The following COL20A1 variants were observed in gnomAD, a reference collection of about 807,000 sequenced individuals.
COL20A1 encodes the protein collagen type XX alpha 1 chain, also known as collagen alpha-1(XX) chain.
In COL20A1, 164 loss-of-function variants were observed where a neutral mutation model predicts 152.9. That is an observed-to-expected ratio of 1.07 (90% CI 0.94 to 1.22). The LOEUF is 1.22. COL20A1 is among the 50% of genes most tolerant of loss of function. COL20A1 has a pLI of 0.00. For synonymous variants in COL20A1, 864 were observed against 756.0 expected (o/e 1.14, Z -2.34); for missense variants, 1,873 against 1,744.8 (o/e 1.07, Z -1.31).
At chr20:63,327,821 TG>T in intron 31 of COL20A1, 130 bp from the exon 32 acceptor site, 1 of 907,176 alleles carries the variant, frequency 1.1e-6, no homozygotes. Flanking sequence ...GAATTTGGGA[TG>T]GGGCTTTCAC....
intron 34 of COL20A1, among the ~76,000 whole-genome samples, chr20:63,328,920 C>T (rs1390056283): frequency 6.6e-6 from 1 of 152,056 alleles, no homozygotes; most frequent in African/African-American, 2.4e-5. Flanking sequence ...TCGCAGGCTC[C>T]CGTGACCTTG....
In COL20A1 at chr20:63,329,581, G is replaced by A. The variant is rs571253881; in HGVS notation, c.3782-4G>A. 38 of 1,608,516 alleles carry A rather than the reference G, an allele frequency of 2.4e-5. No individual in the cohort carries two copies. Among genetic ancestry groups the A allele is most frequent in the South Asian group, 2.1e-4 (19 of 90,314 alleles). ...GTCCTCACATGCCCTCCCTTTCCTCGCAGGGGAGCCTGGAGCTGTTGGTCA... is the reference window on the plus strand; with the variant it reads ...GTCCTCACATGCCCTCCCTTTCCTCACAGGGGAGCCTGGAGCTGTTGGTCA... On this transcript the variant is annotated splice_polypyrimidine_tract_variant and splice_region_variant and intron_variant, in intron 34 of 35. Transcript: ENST00000358894.
At chr20:63,314,985 C>G (rs138500944) in intron 19 of COL20A1, among the ~76,000 whole-genome samples, 6,457 of 151,242 alleles carry the variant, frequency 0.043, 208 homozygotes, top group South Asian at 0.076. Flanking sequence ...TGTCCCCAGC[C>G]TGCCCGCACA....
At chr20:63,326,729 C>T in intron 30 of COL20A1, 23 bp from the exon 31 acceptor site, 1 of 1,409,226 alleles carries the variant, frequency 7.1e-7, no homozygotes. Flanking sequence ...CCAAGCCAAA[C>T]CCTGACTTCT....
At chr20:63,330,158 C>G (rs1477093532) in intron 35 of COL20A1, among the ~76,000 whole-genome samples, 2 of 152,134 alleles carry the variant, frequency 1.3e-5, no homozygotes, top group African/African-American at 4.8e-5. Context: ...CTGCCTTCCT[C>G]AGGAAGCGCT....
rs766364356 is a variant in COL20A1 at position 63,308,717 on chromosome 20, T to C, written c.940+11T>C. 13 of 1,579,526 alleles carry C rather than the reference T, an allele frequency of 8.2e-6. No individual in the cohort carries two copies. The highest frequency in any genetic ancestry group is 2.3e-5 in the South Asian group (2 of 87,474). On this transcript the variant is annotated intron_variant, in intron 8 of 35. Transcript: ENST00000358894. ...ACGTCTTCGCTGTGGGTGAGCACCA[T>C]GCGGCTCCCCCGGCCCTGGAGTCTC...
rs2068028499 is a variant in COL20A1, at chr20:63,312,812, C to G, written c.1954C>G (p.Gln652Glu). The change falls in exon 16 of 36, where the codon CAG becomes GAG. Residue 652 changes from glutamine to glutamate, a missense_variant. Physicochemically the swap from Gln to Glu is conservative, Grantham distance 29. Transcript: ENST00000358894. Reference protein sequence around the residue: ...VTTKKAPSPSQLSMTELPGDA... With the variant: ...VTTKKAPSPSELSMTELPGDA... ...TTCAGAGAAAGCTCCCAGCCCAAGC[C>G]AGCTGTCCATGACGGAGCTGCCAGG... is the stretch of plus-strand genomic sequence containing the variant. The G allele has an allele frequency of 2.6e-6, 4 of 1,554,030 alleles. No homozygotes were observed. Among genetic ancestry groups the G allele is most frequent in the African/African-American group, 2.7e-5 (2 of 73,464 alleles).
chr20:63,295,529 C>T (rs2067778806), intron 2 of COL20A1, among the ~76,000 whole-genome samples: 1 of 152,156 alleles, frequency 6.6e-6, no homozygotes, highest in African/African-American at 2.4e-5. Context: ...GCCTGCTTCC[C>T]ACCGCCGCCT....
intron 3 of COL20A1, among the ~76,000 whole-genome samples, chr20:63,299,468 G>A (rs753914023): frequency 2.0e-5 from 3 of 152,122 alleles, no homozygotes; most frequent in East Asian, 1.9e-4. Flanking sequence ...TGTAATTTAC[G>A]TGCAGAAATC....
chr20:63,327,699 C>T lies in COL20A1; in HGVS notation c.3529-253C>T, dbSNP rs962338935. The T allele has an allele frequency of 1.4e-5, 8 of 566,454 alleles. No individual in the cohort carries two copies. In the South Asian group the frequency reaches 1.4e-4, roughly 10 times the overall value. The allele number at this position is 566,454 out of a possible 1,614,324, so 35.1% of individuals were successfully genotyped here. ...CTAGCACAAAATCTACAGCCAGAGGCAAGTCCTTTGTGGCACAAGTTCCAG... is the reference window on the plus strand; with the variant it reads ...CTAGCACAAAATCTACAGCCAGAGGTAAGTCCTTTGTGGCACAAGTTCCAG... On this transcript the variant is annotated intron_variant, in intron 31 of 35. Transcript: ENST00000358894.
At position 63,320,345 on chromosome 20, in the gene COL20A1, C is replaced by G. The variant is rs184817651; in HGVS notation, c.3130C>G (p.Arg1044Gly). Residue 1044 changes from arginine (R) to glycine (G), a missense_variant, in exon 25 of 36, where the codon CGG (arginine) becomes GGG (glycine). Coordinates refer to ENST00000358894, the MANE Select transcript of COL20A1 (RefSeq NM_020882.4). Reference protein sequence around the residue: ...VCSDTWADEDRCCELPASRDG... With the variant: ...VCSDTWADEDGCCELPASRDG... The stretch of plus-strand genomic sequence containing the variant: ...CAGTGACACCTGGGCCGATGAGGAC[C>G]GGTGCTGTGAGCTCCCTGCCTCGGT... The G allele has an allele frequency of 2.5e-6, 4 of 1,611,306 alleles. No homozygotes were observed. The highest frequency in any genetic ancestry group is 3.4e-6 in the Non-Finnish European group (4 of 1,179,844).
In COL20A1 at chr20:63,313,324, C is replaced by CA; in HGVS notation, c.2209+76dup. On this transcript the variant is annotated intron_variant, in intron 17 of 35. Transcript: ENST00000358894. This position sits in a 1 kb window ranked among gnomAD's most constrained non-coding sequence, Gnocchi z 5.9. ...CAGGGGATCCCTGACTCACCCGCTG[C>CA]ACAGGCCCAGGACCCTAGACTCCCA... The CA allele has an allele frequency of 2.0e-6, 3 of 1,490,120 alleles. No individual in the cohort carries two copies. In the South Asian group the frequency reaches 3.8e-5, roughly 19 times the overall value. The allele number at this position is 1,490,120 out of a possible 1,614,324, so 92.3% of individuals were successfully genotyped here. A position where few individuals can be genotyped will look rare whatever the true frequency, so the allele number is the denominator to read the frequency against.
At chr20:63,329,840 G>A (rs896760547) in intron 35 of COL20A1, among the ~76,000 whole-genome samples, 179 bp downstream of exon 35, 2 of 152,172 alleles carry the variant, frequency 1.3e-5, no homozygotes, top group African/African-American at 2.4e-5. Flanking sequence ...GGACCCCGTA[G>A]GGGCAACAGG....
intron 1 of COL20A1, among the ~76,000 whole-genome samples, chr20:63,294,502 C>G (rs2067761168): frequency 6.6e-6 from 1 of 152,030 alleles, no homozygotes; most frequent in African/African-American, 2.4e-5. Flanking sequence ...TGGCGGCCTC[C>G]CTGTCTCGGC....
chr20:63,309,602 G>A (rs2067977284), intron 9 of COL20A1, 105 bp downstream of exon 9: 5 of 1,286,204 alleles, frequency 3.9e-6, no homozygotes, highest in African/African-American at 1.5e-5. Context: ...GCCGGCTCCT[G>A]TGGCTCTGAG....
At chr20:63,315,531 C>T in intron 20 of COL20A1, 92 bp downstream of exon 20, 2 of 1,172,226 alleles carry the variant, frequency 1.7e-6, no homozygotes, top group African/African-American at 1.5e-5. Flanking sequence ...ACCTGGGACC[C>T]AGTGGTGGTG....
In COL20A1 at chr20:63,298,039, C is replaced by G. The variant is rs764260264; in HGVS notation, c.193+19C>G. 4 of 1,558,122 alleles carry G rather than the reference C, an allele frequency of 2.6e-6. No individual in the cohort carries two copies. The African/African-American group carries it at 5.4e-5, about 21-fold the overall frequency. On this transcript the variant is annotated intron_variant, in intron 3 of 35. Transcript: ENST00000358894. The stretch of plus-strand genomic sequence containing the variant: ...ATGGCAGGTGAGGACCTGCCCCTCC[C>G]AGGCCCCCTTCCCCATTAGCACGTG...
intron 10 of COL20A1, 103 bp from the exon 11 acceptor site, chr20:63,310,278 C>A: frequency 1.5e-6 from 2 of 1,332,400 alleles, no homozygotes; most frequent in Non-Finnish European, 2.1e-6. Flanking sequence ...GGGCACCCTG[C>A]GGGCCCCAGC....
chr20:63,318,484 A>C (rs1238853513), intron 21 of COL20A1, among the ~76,000 whole-genome samples: 2 of 152,044 alleles, frequency 1.3e-5, no homozygotes, highest in African/African-American at 4.8e-5. Context: ...CCCTGGTCCC[A>C]CCCCTCAGGG....
Sources: allele counts gnomAD v4.1 joint callset (sites outside exome capture counted in the v4.1 genomes callset), GRCh38; gene constraint gnomAD v4.1.1; non-coding constraint Gnocchi (gnomAD v3.1); transcripts MANE v1.5; gene names NCBI Gene and HGNC (gene_info 2026-07-23, HGNC 2026-07-21).